Variants in KLRG1 observed in about 807,000 individuals in gnomAD.
KLRG1 encodes the protein killer cell lectin like receptor G1.
In KLRG1, 16 loss-of-function variants were observed where a neutral mutation model predicts 21.8. That is an observed-to-expected ratio of 0.73 (90% CI 0.50 to 1.11). KLRG1 has a LOEUF of 1.11. Ranked by LOEUF, KLRG1 falls within the 50% of genes most tolerant of loss-of-function variation. The pLI is 0.00. For synonymous variants in KLRG1, 69 were observed against 75.9 expected, an observed-to-expected ratio of 0.91 and a Z score of 0.47; for missense variants, 173 against 218.3, an observed-to-expected ratio of 0.79 and a Z score of 1.31.
At chr12:9,069,611 T>G in the KLRG1 span, 3 of 602,754 alleles carry the variant, frequency 5.0e-6, no homozygotes, top group Non-Finnish European at 8.6e-6. Flanking sequence ...AAGAACATTC[T>G]TTTAGAGTTA....
chr12:9,169,572 AC>A, the KLRG1 span: 2 of 1,612,474 alleles, frequency 1.2e-6, no homozygotes, highest in African/African-American at 2.7e-5. Context: ...GAGATCCTTC[AC>A]AGTTAGCAGA....
chr12:8,992,048 A>G, intron 1 of KLRG1, 158 bp from the exon 2 acceptor site: 2 of 585,382 alleles, frequency 3.4e-6, no homozygotes, highest in Admixed American at 3.2e-5. Flanking sequence ...TAGACTTTAG[A>G]GCAAGTTCCT....
the KLRG1 span, among the ~76,000 whole-genome samples, chr12:9,198,888 G>A: frequency 2.6e-5 from 4 of 152,176 alleles, no homozygotes; most frequent in Non-Finnish European, 5.9e-5. Context: ...CAGAGATCTA[G>A]GCGTTTTGGT....
the KLRG1 span, among the ~76,000 whole-genome samples, chr12:9,048,868 T>G: frequency 1.3e-5 from 2 of 150,250 alleles, no homozygotes; most frequent in Non-Finnish European, 2.9e-5. Context: ...ATGAAAGGTA[T>G]ACAGACTGGT....
intron 3 of KLRG1, among the ~76,000 whole-genome samples, chr12:9,007,504 C>G (rs1185455672): frequency 6.6e-6 from 1 of 152,176 alleles, no homozygotes; most frequent in Non-Finnish European, 1.5e-5. Context: ...CTTCTGACCT[C>G]AAGTGATCCA....
chr12:9,041,331 C>T, the KLRG1 span, among the ~76,000 whole-genome samples: 1 of 152,166 alleles, frequency 6.6e-6, no homozygotes, highest in Non-Finnish European at 1.5e-5. Flanking sequence ...GAAACTCCAT[C>T]TCAAAAACAA....
intron 1 of KLRG1, among the ~76,000 whole-genome samples, chr12:8,979,882 C>A (rs913442321): frequency 6.6e-6 from 1 of 151,796 alleles, no homozygotes; most frequent in African/African-American, 2.4e-5. Flanking sequence ...TTCTTCAGCT[C>A]TATAATTTCT....
At chr12:8,950,721 A>G (rs1946184727) in intron 1 of KLRG1, among the ~76,000 whole-genome samples, 1 of 151,658 alleles carries the variant, frequency 6.6e-6, no homozygotes, top group African/African-American at 2.4e-5. Context: ...TAACGGATGC[A>G]TATCTCGGTG....
At chr12:8,973,411 G>A (rs1946604532) in intron 1 of KLRG1, among the ~76,000 whole-genome samples, 1 of 152,106 alleles carries the variant, frequency 6.6e-6, no homozygotes, top group Admixed American at 6.5e-5. Flanking sequence ...CTTATAAAAA[G>A]GCTGGAGGAA....
the KLRG1 span, among the ~76,000 whole-genome samples, chr12:9,050,969 G>T: frequency 4.3e-4 from 65 of 152,332 alleles, no homozygotes; most frequent in Non-Finnish European, 6.9e-4. Context: ...AGAGTCCTGG[G>T]AGGAAGGGGG....
Position 9,009,801 on chromosome 12 carries a change from G to A in KLRG1, c.*264G>A. The A allele has an allele frequency of 1.4e-6, 2 of 1,420,806 alleles. No individual in the cohort carries two copies. Among genetic ancestry groups the A allele is most frequent in the Non-Finnish European group, 1.8e-6 (2 of 1,093,990 alleles). The allele number at this position is 1,420,806 out of a possible 1,614,324, so 88.0% of individuals were successfully genotyped here. On this transcript the variant is annotated 3_prime_UTR_variant, in exon 5 of 5. Transcript: ENST00000356986. The stretch of plus-strand genomic sequence containing the variant: ...AGATGTTTGTTTTTTGTATTTCTCA[G>A]TATGGAAACTAATGCTGCCACTCTC...
At chr12:9,181,448 C>A in the KLRG1 span, among the ~76,000 whole-genome samples, 1 of 152,196 alleles carries the variant, frequency 6.6e-6, no homozygotes, top group African/African-American at 2.4e-5. Flanking sequence ...AAAAGTGATT[C>A]TATTTAGACA....
the KLRG1 span, among the ~76,000 whole-genome samples, chr12:9,082,858 T>G: frequency 6.6e-6 from 1 of 152,210 alleles, no homozygotes; most frequent in Non-Finnish European, 1.5e-5. Flanking sequence ...GAAACGATTG[T>G]GAATAGTGCC....
At chr12:8,991,458 G>A (rs1395149642) in intron 1 of KLRG1, among the ~76,000 whole-genome samples, 2 of 151,928 alleles carry the variant, frequency 1.3e-5, no homozygotes, top group East Asian at 3.9e-4. Context: ...TGTTTACATG[G>A]TTCAAAATTC....
At chr12:9,113,315 C>T in the KLRG1 span, 9 of 1,598,294 alleles carry the variant, frequency 5.6e-6, no homozygotes, top group East Asian at 1.8e-4. Flanking sequence ...CCCTATGACC[C>T]TGACTAAAAG....
At position 8,992,304 on chromosome 12, in the gene KLRG1, T is replaced by C; in HGVS notation, c.181T>C (p.Cys61Arg). 1 of 1,609,372 alleles carries C rather than the reference T, an allele frequency of 6.2e-7. No homozygotes were observed. Among genetic ancestry groups the C allele is most frequent in the Non-Finnish European group, 8.5e-7 (1 of 1,177,746 alleles). The change falls in exon 2 of 5, where the codon TGC becomes CGC. Residue 61 changes from cysteine to arginine, a missense_variant. Physicochemically the swap from Cys to Arg is radical, Grantham distance 180. Around this residue, in one of 3 missense-constraint regions of KLRG1, gnomAD observed 144 missense variants for 161.5 expected, o/e 0.89. Transcript: ENST00000356986. ...LSVLLYQWIL[C>R]QGSNYSTCAS... ...TGTGCTGCTATACCAGTGGATCCTG[T>C]GCCAGGGTAAGTGCAAACTTAAACC...
chr12:9,154,528 G>C, the KLRG1 span: 2 of 1,209,008 alleles, frequency 1.7e-6, no homozygotes, highest in African/African-American at 1.5e-5. Context: ...TTTAATAATT[G>C]CCTTCTCTTT....
the KLRG1 span, among the ~76,000 whole-genome samples, chr12:9,045,782 A>G: frequency 6.6e-6 from 1 of 152,298 alleles, no homozygotes; most frequent in East Asian, 1.9e-4. Flanking sequence ...AAAGACATGG[A>G]ATCAACCCAA....
chr12:9,113,522 G>A, the KLRG1 span: 2 of 1,613,872 alleles, frequency 1.2e-6, no homozygotes, highest in Non-Finnish European at 8.5e-7. Context: ...GGAGCAGGGA[G>A]GGGACCAGAA....
Sources: allele counts gnomAD v4.1 joint callset (sites outside exome capture counted in the v4.1 genomes callset), GRCh38; gene constraint gnomAD v4.1.1; regional missense constraint gnomAD v4.1.1; transcripts MANE v1.5; gene names NCBI Gene and HGNC (gene_info 2026-07-23, HGNC 2026-07-21).